RAD23B: variants seen among roughly 807,000 people sequenced by gnomAD.
RAD23B encodes lysine-specific demethylase RAD23B.
Under a neutral mutation model 49.1 loss-of-function variants are expected in RAD23B, and 5 were observed. The ratio of observed to expected loss-of-function variants is 0.10; its 90% CI spans 0.05 to 0.21. The LOEUF is 0.21. Ranked by LOEUF, RAD23B falls within the 10% of genes least tolerant of loss-of-function variation. The probability of loss-of-function intolerance (pLI) is 1.00; values close to 1 mark genes in which losing one functional copy is unlikely to be tolerated. For missense variants in RAD23B, 356 were observed against 486.7 expected, an observed-to-expected ratio of 0.73 and a Z score of 2.53; for synonymous variants, 184 against 165.4, an observed-to-expected ratio of 1.11 and a Z score of -0.86.
In RAD23B at chr9:107,321,051, A is replaced by G. The variant is rs182762348; in HGVS notation, c.682-932A>G. On this transcript the variant is annotated intron_variant, in intron 6 of 9. Transcript: ENST00000358015. The stretch of plus-strand genomic sequence containing the variant: ...TTTAAAAATTTTAAATGACAAGTCT[A>G]TCAATCATGTGCATCAAAATAGGTG... 1.7e-3 allele frequency among the ~76,000 whole-genome samples: 260 copies of G among 152,312 alleles called. 1 individual carries two copies. Among genetic ancestry groups the G allele is most frequent in the African/African-American group, 5.7e-3 (236 of 41,574 alleles).
Position 107,318,957 on chromosome 9 carries a change from T to TTG in RAD23B, c.681+79_681+80insGT, listed in dbSNP as rs1258896932. ...AAAGAAACAGATTTTAAAGGACCAG[T>TTG]TCACTTGTCACTGATATATGCTAGA... On this transcript the variant is annotated intron_variant, in intron 6 of 9. Coordinates refer to ENST00000358015, the MANE Select transcript of RAD23B (RefSeq NM_002874.5). This position sits in a 1 kb window ranked among gnomAD's most constrained non-coding sequence, Gnocchi z 4.3. 6.9e-5 allele frequency: 99 copies of TTG among 1,430,798 alleles called. No homozygotes were observed. Among genetic ancestry groups the TTG allele is most frequent in the Non-Finnish European group, 8.9e-5 (93 of 1,045,418 alleles). 88.6% of individuals were successfully genotyped at this position (1,430,798 alleles called of 1,614,324 possible). A position where few individuals can be genotyped will look rare whatever the true frequency, so the allele number is the denominator to read the frequency against.
At chr9:107,327,260 T>C (rs905911319) in intron 9 of RAD23B, among the ~76,000 whole-genome samples, 5 of 152,202 alleles carry the variant, frequency 3.3e-5, no homozygotes, top group African/African-American at 9.6e-5. Context: ...TGTTTTGTTT[T>C]GTTTTAAGTC....
chr9:107,306,912 T>G (rs1826790885), intron 4 of RAD23B, among the ~76,000 whole-genome samples: 1 of 3,572 alleles, frequency 2.8e-4, no homozygotes, highest in East Asian at 0.012. Flanking sequence ...GTGAAAGTCA[T>G]TTTTTTTTTT....
intron 5 of RAD23B, among the ~76,000 whole-genome samples, chr9:107,314,434 G>A (rs539881374): frequency 5.6e-4 from 86 of 152,264 alleles, no homozygotes; most frequent in African/African-American, 2.0e-3. Context: ...GTGAGGACAT[G>A]GGGTATTTGA....
chr9:107,295,546 T>C (rs927365915), intron 1 of RAD23B, among the ~76,000 whole-genome samples: 3 of 152,202 alleles, frequency 2.0e-5, no homozygotes, highest in African/African-American at 7.2e-5. Context: ...TTCCTCTGTC[T>C]TCTGTTTTTA....
Position 107,331,583 on chromosome 9 carries a change from G to T in RAD23B, c.*1927G>T. ...ATATATACGTTCATCTTTCAAGTCA[G>T]AGCAATGAGTTGGGAAAAGAGGTGG... On this transcript the variant is annotated 3_prime_UTR_variant, in exon 10 of 10. Transcript: ENST00000358015. The T allele has an allele frequency of 1.4e-6, 1 of 712,244 alleles. No homozygotes were observed. Among genetic ancestry groups the T allele is most frequent in the South Asian group, 1.6e-5 (1 of 63,824 alleles). 44.1% of individuals were successfully genotyped at this position (712,244 alleles called of 1,614,324 possible).
chr9:107,301,756 G>A (rs1168725242), intron 2 of RAD23B, among the ~76,000 whole-genome samples: 1 of 151,980 alleles, frequency 6.6e-6, no homozygotes, highest in African/African-American at 2.4e-5. Context: ...GGCCATGCTG[G>A]TTTCAAACTC....
In RAD23B at chr9:107,329,672, A is replaced by G. The variant is rs1196232325; in HGVS notation, c.*16A>G. 2 of 1,535,718 alleles carry G rather than the reference A, an allele frequency of 1.3e-6. No individual in the cohort carries two copies. The highest frequency in any genetic ancestry group is 9.0e-7 in the Non-Finnish European group (1 of 1,109,532). On this transcript the variant is annotated 3_prime_UTR_variant, in exon 10 of 10. Transcript: ENST00000358015. ...TGAAGATTGAAAGGGACTTTTTTAT[A>G]TCTCACACTTCACACCAGTGCATTA... is the stretch of plus-strand genomic sequence containing the variant.
chr9:107,305,232 G>C (rs1826739034), intron 3 of RAD23B, among the ~76,000 whole-genome samples: 1 of 152,248 alleles, frequency 6.6e-6, no homozygotes, highest in Non-Finnish European at 1.5e-5. Context: ...AGCCTTGGGA[G>C]GTTGAGGCTG....
At chr9:107,322,357 T>C (rs11573703) in intron 7 of RAD23B, among the ~76,000 whole-genome samples, 18,188 of 152,252 alleles carry the variant, frequency 0.12, 1,128 homozygotes, top group South Asian at 0.15. Context: ...ATATTCTGTT[T>C]TATTTGTTTT....
Position 107,331,943 on chromosome 9 carries a change from G to GT in RAD23B, c.*2288dup. On this transcript the variant is annotated 3_prime_UTR_variant, in exon 10 of 10. Coordinates refer to ENST00000358015, the MANE Select transcript of RAD23B (RefSeq NM_002874.5). ...AAACTGTTTTGGTAAATCTCTTAATGTAAGTAGCTATTTGACTTTGGAATT... is the reference window on the plus strand; with the variant it reads ...AAACTGTTTTGGTAAATCTCTTAATGTTAAGTAGCTATTTGACTTTGGAATT... The GT allele has an allele frequency of 4.5e-6, 2 of 441,890 alleles. No individual in the cohort carries two copies. The highest frequency in any genetic ancestry group is 4.0e-6 in the Non-Finnish European group (1 of 250,982). 27.4% of individuals were successfully genotyped at this position (441,890 alleles called of 1,614,324 possible). A position where few individuals can be genotyped will look rare whatever the true frequency, so the allele number is the denominator to read the frequency against.
intron 1 of RAD23B, among the ~76,000 whole-genome samples, chr9:107,289,627 T>C (rs897071834): frequency 1.3e-5 from 2 of 152,136 alleles, no homozygotes; most frequent in Admixed American, 6.5e-5. Context: ...GGAGTGGAGA[T>C]GTAGAGAAGT....
At chr9:107,321,804 A>G (rs545186526) in intron 6 of RAD23B, among the ~76,000 whole-genome samples, 179 bp from the exon 7 acceptor site, 2 of 152,212 alleles carry the variant, frequency 1.3e-5, no homozygotes, top group African/African-American at 4.8e-5. Context: ...CACCCAGGTC[A>G]TTTCTAATCT....
In RAD23B at chr9:107,332,135, C is replaced by T. The variant is rs1395033852; in HGVS notation, c.*2479C>T. 1 of 185,846 alleles carries T rather than the reference C, an allele frequency of 5.4e-6. No homozygotes were observed. Among genetic ancestry groups the T allele is most frequent in the Non-Finnish European group, 1.1e-5 (1 of 90,932 alleles). 11.5% of individuals were successfully genotyped at this position (185,846 alleles called of 1,614,324 possible). On this transcript the variant is annotated 3_prime_UTR_variant, in exon 10 of 10. Transcript: ENST00000358015. ...CGGAAGTGTTCCAATATAATTTTTT[C>T]CTGTACTGGATGGCTAGGATTCTAG...
intron 5 of RAD23B, among the ~76,000 whole-genome samples, chr9:107,313,337 C>G (rs558697110): frequency 6.6e-6 from 1 of 152,056 alleles, no homozygotes; most frequent in Admixed American, 6.6e-5. Flanking sequence ...GCGATTCTCC[C>G]GCCTCAGCCT....
chr9:107,329,756 T>G lies in RAD23B; in HGVS notation c.*100T>G. The G allele has an allele frequency of 1.8e-6, 1 of 550,496 alleles. No homozygotes were observed. The highest frequency in any genetic ancestry group is 3.3e-6 in the Non-Finnish European group (1 of 300,618). 34.1% of individuals were successfully genotyped at this position (550,496 alleles called of 1,614,324 possible). A position where few individuals can be genotyped will look rare whatever the true frequency, so the allele number is the denominator to read the frequency against. On this transcript the variant is annotated 3_prime_UTR_variant, in exon 10 of 10. Coordinates refer to ENST00000358015, the MANE Select transcript of RAD23B (RefSeq NM_002874.5). ...TTGGGCTCATATCCACAATACTTGG[T>G]ATAAGGTAGTAGATTGTTGGGGGTG...
In RAD23B at chr9:107,329,683, C is replaced by T; in HGVS notation, c.*27C>T. 1 of 1,447,084 alleles carries T rather than the reference C, an allele frequency of 6.9e-7. No individual in the cohort carries two copies. The highest frequency in any genetic ancestry group is 9.7e-7 in the Non-Finnish European group (1 of 1,031,082). 89.6% of individuals were successfully genotyped at this position (1,447,084 alleles called of 1,614,324 possible). On this transcript the variant is annotated 3_prime_UTR_variant, in exon 10 of 10. Coordinates refer to ENST00000358015, the MANE Select transcript of RAD23B (RefSeq NM_002874.5). ...AGGGACTTTTTTATATCTCACACTT[C>T]ACACCAGTGCATTACACTAACTTGT...
rs757716733 is a variant in RAD23B at position 107,329,510 on chromosome 9, G to A, written c.1117-33G>A. The A allele has an allele frequency of 5.2e-6, 7 of 1,335,036 alleles. No homozygotes were observed. In the South Asian group the frequency reaches 7.3e-5, roughly 14 times the overall value. 82.7% of individuals were successfully genotyped at this position (1,335,036 alleles called of 1,614,324 possible). On this transcript the variant is annotated intron_variant, in intron 9 of 9. Transcript: ENST00000358015. Reference sequence around the variant, plus strand: ...AAATTAAATGTGCCATAATTGGTGTGTTGGATTTATATTTTTTTCCTTTTT... The same window carrying A: ...AAATTAAATGTGCCATAATTGGTGTATTGGATTTATATTTTTTTCCTTTTT...
intron 5 of RAD23B, among the ~76,000 whole-genome samples, chr9:107,314,546 TAC>T (rs764496878): frequency 6.6e-6 from 1 of 152,144 alleles, no homozygotes; most frequent in African/African-American, 2.4e-5. Flanking sequence ...TGAGTATTAT[TAC>T]ACACACACAC....
Sources: allele counts gnomAD v4.1 joint callset (sites outside exome capture counted in the v4.1 genomes callset), GRCh38; gene constraint gnomAD v4.1.1; non-coding constraint Gnocchi (gnomAD v3.1); transcripts MANE v1.5; gene names NCBI Gene and HGNC (gene_info 2026-07-23, HGNC 2026-07-21).